The following SCN9A variants were observed in gnomAD, a reference collection of about 807,000 sequenced individuals.
The protein encoded by SCN9A is sodium channel protein type 9 subunit alpha.
SCN9A carries 131 observed loss-of-function variants against 187.0 expected under a neutral mutation model. The ratio of observed to expected loss-of-function variants is 0.70; its 90% CI spans 0.61 to 0.81. The LOEUF is 0.81. SCN9A is among the 30% of genes least tolerant of loss of function. SCN9A has a pLI of 0.00. For synonymous variants in SCN9A, 809 were observed against 808.6 expected (o/e 1.00, Z -0.01); for missense variants, 2,252 against 2,396.6 (o/e 0.94, Z 1.26).
rs201640757 is a variant in SCN9A at position 166,238,136 on chromosome 2, A to G, written c.3759T>C (p.Tyr1253=). The G allele has an allele frequency of 5.5e-5, 88 of 1,611,722 alleles. No individual in the cohort carries two copies. The African/African-American group carries it at 1.1e-3, about 21-fold the overall frequency. The part of the protein sequence containing the change: ...LKWIAYGYKT[Y]FTNAWCWLDF... ...CCAGCCAACACCAGGCATTGGTGAA[A>G]TATGTTTTATAACCATATGCTATCC... The change falls in exon 20 of 27, where the codon TAT becomes TAC. Residue 1253 remains tyrosine, a synonymous_variant. Coordinates refer to ENST00000642356, the MANE Select transcript of SCN9A (RefSeq NM_001365536.1).
intron 8 of SCN9A, 28 bp from the exon 9 acceptor site, chr2:166,293,400 G>A (rs1574883502): frequency 6.4e-7 from 1 of 1,567,212 alleles, no homozygotes; most frequent in Non-Finnish European, 8.7e-7. Flanking sequence ...CATTATAGGT[G>A]AGAGTGTCTT....
chr2:166,217,013 T>C (rs898148097), intron 24 of SCN9A, among the ~76,000 whole-genome samples: 1 of 151,984 alleles, frequency 6.6e-6, no homozygotes, highest in African/African-American at 2.4e-5. Context: ...AACACAGATA[T>C]ATTGGCTAAT....
At chr2:166,254,953 A>G (rs1385033950) in intron 17 of SCN9A, among the ~76,000 whole-genome samples, 1 of 151,486 alleles carries the variant, frequency 6.6e-6, no homozygotes, top group Non-Finnish European at 1.5e-5. Flanking sequence ...GAATAATATG[A>G]TATTGACTGT....
chr2:166,320,363 T>C (rs1475582194), intron 1 of SCN9A, among the ~76,000 whole-genome samples: 2 of 152,280 alleles, frequency 1.3e-5, no homozygotes, highest in East Asian at 3.9e-4. Context: ...TTCTGTTACC[T>C]TCACTGGGCT....
chr2:166,254,822 C>A (rs4477933), intron 17 of SCN9A, among the ~76,000 whole-genome samples: 2 of 150,940 alleles, frequency 1.3e-5, no homozygotes. Flanking sequence ...CAATTTTTTT[C>A]ATCATTGGCA....
chr2:166,287,861 G>A (rs1452401687), intron 10 of SCN9A, among the ~76,000 whole-genome samples: 1 of 151,100 alleles, frequency 6.6e-6, no homozygotes, highest in Non-Finnish European at 1.5e-5. Flanking sequence ...CCATAGAAGA[G>A]TATCTGTTAA....
Position 166,321,793 on chromosome 2 carries a change from CT to C in SCN9A, c.-50-9988del, listed in dbSNP as rs142400656. Among the ~76,000 whole-genome samples the C allele has an allele frequency of 6.5e-3, 775 of 118,744 alleles. 1 individual carries two copies. The highest frequency in any genetic ancestry group is 0.013 in the African/African-American group (403 of 30,378). 77.9% of individuals were successfully genotyped at this position (118,744 alleles called of 152,430 possible). A position where few individuals can be genotyped will look rare whatever the true frequency, so the allele number is the denominator to read the frequency against. ...CATTCCAATTATAGCCTGGCAAAATCTTTTTTTTTTTTTTTTTTTGGTAACT... is the reference window on the plus strand; with the variant it reads ...CATTCCAATTATAGCCTGGCAAAATCTTTTTTTTTTTTTTTTTTGGTAACT... On this transcript the variant is annotated intron_variant, in intron 1 of 26. Coordinates refer to ENST00000642356, the MANE Select transcript of SCN9A (RefSeq NM_001365536.1).
At chr2:166,357,664 C>T (rs1488100953) in intron 1 of SCN9A, among the ~76,000 whole-genome samples, 2 of 152,166 alleles carry the variant, frequency 1.3e-5, no homozygotes, top group Non-Finnish European at 2.9e-5. Context: ...ACATTCCTCC[C>T]CTCACTCTTA....
At chr2:166,317,063 T>A (rs963375805) in intron 1 of SCN9A, among the ~76,000 whole-genome samples, 1 of 151,944 alleles carries the variant, frequency 6.6e-6, no homozygotes, top group Non-Finnish European at 1.5e-5. Context: ...TAGATGTAAA[T>A]TAATAATAAT....
intron 1 of SCN9A, among the ~76,000 whole-genome samples, chr2:166,333,702 ACT>A (rs1248796816): frequency 1.3e-5 from 2 of 152,016 alleles, no homozygotes; most frequent in Non-Finnish European, 2.9e-5. Flanking sequence ...AATATTTTCC[ACT>A]GACAAAACAG....
chr2:166,251,688 G>A (rs758047581), intron 18 of SCN9A, 77 bp downstream of exon 18: 15 of 1,500,926 alleles, frequency 1.0e-5, no homozygotes, highest in Non-Finnish European at 1.4e-5. Context: ...GACAACCTCT[G>A]GTAAGTATTA....
intron 9 of SCN9A, among the ~76,000 whole-genome samples, chr2:166,289,145 A>T (rs1559015686): frequency 6.8e-6 from 1 of 147,528 alleles, no homozygotes. Context: ...TTAAAATAGA[A>T]TTTTTTTTCA....
intron 19 of SCN9A, among the ~76,000 whole-genome samples, chr2:166,241,434 T>G (rs1695561485): frequency 6.6e-6 from 1 of 152,192 alleles, no homozygotes; most frequent in Non-Finnish European, 1.5e-5. Context: ...CTGTTTTCCC[T>G]TTTTATAACA....
At chr2:166,263,217 T>C (rs189352770) in intron 17 of SCN9A, among the ~76,000 whole-genome samples, 17 of 152,074 alleles carry the variant, frequency 1.1e-4, no homozygotes, top group African/African-American at 3.9e-4. Context: ...GAAATCTCTG[T>C]TGCAATTTTA....
intron 1 of SCN9A, among the ~76,000 whole-genome samples, chr2:166,312,846 A>T (rs183711149): frequency 6.6e-6 from 1 of 151,320 alleles, no homozygotes; most frequent in African/African-American, 2.4e-5. Context: ...TATAAGTATC[A>T]ACACTGGGCC....
chr2:166,337,513 G>T (rs890284662), intron 1 of SCN9A, among the ~76,000 whole-genome samples: 1 of 152,010 alleles, frequency 6.6e-6, no homozygotes, highest in Non-Finnish European at 1.5e-5. Flanking sequence ...AGAGGCTAAT[G>T]GTTTTTAAGA....
chr2:166,244,300 A>G lies in SCN9A; in HGVS notation c.3473-1644T>C, dbSNP rs578035806. Among the ~76,000 whole-genome samples, 21 of 152,186 alleles carry G rather than the reference A, an allele frequency of 1.4e-4. No individual in the cohort carries two copies. The South Asian group carries it at 4.3e-3, about 32-fold the overall frequency. ...CAAAAAGAGTATTTAGGGTGAGCAG[A>G]AAAAGGGCCAACTCCGAAACATTCT... On this transcript the variant is annotated intron_variant, in intron 18 of 26. Coordinates refer to ENST00000642356, the MANE Select transcript of SCN9A (RefSeq NM_001365536.1).
At chr2:166,345,322 C>T (rs930623935) in intron 1 of SCN9A, among the ~76,000 whole-genome samples, 8 of 151,664 alleles carry the variant, frequency 5.3e-5, no homozygotes, top group Non-Finnish European at 1.0e-4. Flanking sequence ...AAAAAATATG[C>T]ATAAAGCAGC....
intron 26 of SCN9A, among the ~76,000 whole-genome samples, chr2:166,200,728 C>T (rs747982046): frequency 3.3e-5 from 5 of 152,154 alleles, no homozygotes; most frequent in Non-Finnish European, 5.9e-5. Flanking sequence ...CTCTGCATCC[C>T]GGGATCAAAT....
Sources: gnomAD v4.1 joint callset for allele counts (sites outside exome capture counted in the v4.1 genomes callset) on GRCh38, gnomAD v4.1.1 for gene constraint, MANE v1.5 for transcripts, NCBI Gene and HGNC (gene_info 2026-07-23, HGNC 2026-07-21) for gene names.